Variants in CEP78 observed in about 807,000 individuals in gnomAD.
CEP78 encodes the protein centrosomal protein of 78 kDa.
CEP78 carries 76 observed loss-of-function variants against 81.2 expected under a neutral mutation model. That is an observed-to-expected ratio of 0.94 (90% CI 0.78 to 1.13). CEP78 has a LOEUF of 1.13. Among genes scored for constraint, CEP78 ranks in the 50% most tolerant of loss-of-function variants. CEP78 has a pLI of 0.00. For synonymous variants in CEP78, 293 were observed against 301.4 expected (o/e 0.97, Z 0.29); for missense variants, 918 against 846.8 (o/e 1.08, Z -1.04).
In CEP78 at chr9:78,263,117, A is replaced by G. The variant is rs563603084; in HGVS notation, c.1458+133A>G. On this transcript the variant is annotated intron_variant, in intron 12 of 16. Transcript: ENST00000643273. ...GTATTGCAAATGGTCACAGTATGTTAATGTTTGTATTTACTTATATTTGGT... is the reference window on the plus strand; with the variant it reads ...GTATTGCAAATGGTCACAGTATGTTGATGTTTGTATTTACTTATATTTGGT... 1.4e-5 allele frequency: 6 copies of G among 439,804 alleles called. No homozygotes were observed. The South Asian group carries it at 2.5e-4, about 18-fold the overall frequency. 27.2% of individuals were successfully genotyped at this position (439,804 alleles called of 1,614,324 possible).
At chr9:78,237,955 CAAAAA>C (rs557546978) in intron 1 of CEP78, among the ~76,000 whole-genome samples, 12,448 of 106,078 alleles carry the variant, frequency 0.12, 679 homozygotes, top group African/African-American at 0.17. Flanking sequence ...ACTAAAAATA[CAAAAA>C]AAAAAAAAAA....
At chr9:78,242,272 C>A (rs1231804110) in intron 4 of CEP78, among the ~76,000 whole-genome samples, 1 of 152,020 alleles carries the variant, frequency 6.6e-6, no homozygotes, top group Non-Finnish European at 1.5e-5. Flanking sequence ...TATTGCTACA[C>A]CCTACACTAG....
intron 16 of CEP78, 92 bp from the exon 17 acceptor site, chr9:78,270,749 A>G: frequency 1.6e-6 from 1 of 614,600 alleles, no homozygotes; most frequent in Non-Finnish European, 2.9e-6. Flanking sequence ...TCGGCATGAT[A>G]GGAGATGATT....
rs762941578 is a variant in CEP78 at position 78,266,775 on chromosome 9, G to A, written c.2107+72G>A. The A allele has an allele frequency of 3.2e-6, 5 of 1,558,394 alleles. No homozygotes were observed. In the Admixed American group the frequency reaches 1.0e-4, roughly 32 times the overall value. ...CCTGCATTCCTGATCTGACTGTCCT[G>A]AAAACCAGAAAAGCAAAGAAACTAG... On this transcript the variant is annotated intron_variant, in intron 16 of 16. Coordinates refer to ENST00000643273, the MANE Select transcript of CEP78 (RefSeq NM_001330691.3).
At chr9:78,242,516 A>G (rs1247943023) in intron 4 of CEP78, among the ~76,000 whole-genome samples, 1 of 152,238 alleles carries the variant, frequency 6.6e-6, no homozygotes, top group Non-Finnish European at 1.5e-5. Context: ...TAAAATGTGT[A>G]TAATAAGAAA....
intron 11 of CEP78, among the ~76,000 whole-genome samples, chr9:78,258,583 T>G (rs1016723866): frequency 6.6e-6 from 1 of 152,136 alleles, no homozygotes; most frequent in Non-Finnish European, 1.5e-5. Context: ...AGTAAATAAG[T>G]AAGAATGAAC....
intron 13 of CEP78, among the ~76,000 whole-genome samples, 191 bp from the exon 14 acceptor site, chr9:78,265,181 A>G (rs1827460225): frequency 6.6e-6 from 1 of 152,208 alleles, no homozygotes; most frequent in Admixed American, 6.5e-5. Flanking sequence ...GGATGATATG[A>G]TATGGTTTGT....
chr9:78,276,577 G>A lies in CEP78; in HGVS notation c.*5726G>A, dbSNP rs1827809014. 6.6e-6 allele frequency: 1 copy of A among 151,792 alleles called. No homozygotes were observed. The highest frequency in any genetic ancestry group is 2.1e-4 in the South Asian group (1 of 4,812). The allele number at this position is 151,792 out of a possible 1,614,324, so 9.4% of individuals were successfully genotyped here. A position where few individuals can be genotyped will look rare whatever the true frequency, so the allele number is the denominator to read the frequency against. On this transcript the variant is annotated 3_prime_UTR_variant, in exon 17 of 17. Coordinates refer to ENST00000643273, the MANE Select transcript of CEP78 (RefSeq NM_001330691.3). ...ATTACAGCTAATAAAGCTGAATAAG[G>A]AGGCTGTGCACAACACCAACACACC...
intron 7 of CEP78, 85 bp downstream of exon 7, chr9:78,248,440 C>G: frequency 1.1e-6 from 1 of 877,444 alleles, no homozygotes; most frequent in South Asian, 1.4e-5. Context: ...AGCCTGGCCT[C>G]AAACTTCTGA....
rs1376068836 is a variant in CEP78 at position 78,271,014 on chromosome 9, G to A, written c.*163G>A. The A allele has an allele frequency of 1.0e-5, 5 of 494,706 alleles. No homozygotes were observed. Among genetic ancestry groups the A allele is most frequent in the Non-Finnish European group, 1.8e-5 (5 of 284,288 alleles). The allele number at this position is 494,706 out of a possible 1,614,324, so 30.6% of individuals were successfully genotyped here. On this transcript the variant is annotated 3_prime_UTR_variant, in exon 17 of 17. Coordinates refer to ENST00000643273, the MANE Select transcript of CEP78 (RefSeq NM_001330691.3). The stretch of plus-strand genomic sequence containing the variant: ...ACTCATCTTTGGAGCATCTGATTCT[G>A]GAGTTTGCCACCAGGCTAAGAAAGC...
intron 11 of CEP78, 64 bp from the exon 12 acceptor site, chr9:78,262,843 T>C: frequency 9.9e-7 from 1 of 1,008,418 alleles, no homozygotes; most frequent in East Asian, 2.7e-5. Flanking sequence ...GCTCAACAGC[T>C]GGAAGAGTTT....
At chr9:78,266,050 A>T (rs1827513528) in intron 15 of CEP78, 144 bp downstream of exon 15, 2 of 600,840 alleles carry the variant, frequency 3.3e-6, no homozygotes, top group Non-Finnish European at 6.1e-6. Context: ...CTCTGGCCTT[A>T]CTTGGAGCCC....
chr9:78,250,414 A>C (rs146489746), intron 8 of CEP78: 3,992 of 389,920 alleles, frequency 0.01, 142 homozygotes, highest in African/African-American at 0.072. Context: ...TCATCTAACA[A>C]GATAAGTAAA....
At chr9:78,264,640 T>C (rs1827431434) in intron 13 of CEP78, among the ~76,000 whole-genome samples, 1 of 120,834 alleles carries the variant, frequency 8.3e-6, no homozygotes, top group Non-Finnish European at 1.7e-5. Context: ...CAAGAGCCCA[T>C]CTCTTAAAAA....
chr9:78,254,634 TATATG>T, intron 10 of CEP78, 197 bp from the exon 11 acceptor site: 1 of 265,030 alleles, frequency 3.8e-6, no homozygotes, highest in Non-Finnish European at 7.1e-6. Context: ...TTATAAACCT[TATATG>T]AGAGAATTAT....
In CEP78 at chr9:78,264,443, A is replaced by AT. The variant is rs1338639753; in HGVS notation, c.1625+133dup. The AT allele has an allele frequency of 4.7e-6, 3 of 631,826 alleles. No homozygotes were observed. In the South Asian group the frequency reaches 7.8e-5, roughly 17 times the overall value. 39.1% of individuals were successfully genotyped at this position (631,826 alleles called of 1,614,324 possible). ...TGTGTAATTATAAGTAATACACTTG[A>AT]TTTTTTAAATGTGGAATTAATTTTA... is the stretch of plus-strand genomic sequence containing the variant. On this transcript the variant is annotated intron_variant, in intron 13 of 16. Transcript: ENST00000643273.
At chr9:78,236,645 G>A in intron 1 of CEP78, 42 bp downstream of exon 1, 1 of 1,513,072 alleles carries the variant, frequency 6.6e-7, no homozygotes, top group Non-Finnish European at 8.8e-7. Flanking sequence ...TCGGTGCGGC[G>A]AAGTGGGTTT....
Position 78,254,969 on chromosome 9 carries a change from A to G in CEP78, c.1380+5A>G. 1.2e-6 allele frequency: 2 copies of G among 1,605,348 alleles called. No individual in the cohort carries two copies. Among genetic ancestry groups the G allele is most frequent in the Admixed American group, 1.7e-5 (1 of 59,376 alleles). On this transcript the variant is annotated splice_donor_5th_base_variant and intron_variant, in intron 11 of 16. Transcript: ENST00000643273. ...ATAGAACAAGAAGCATTACAGGTAC[A>G]AAGCTATCACTTTAAAGATATGGAG...
At chr9:78,248,041 A>C (rs928693931) in intron 6 of CEP78, among the ~76,000 whole-genome samples, 29 of 152,320 alleles carry the variant, frequency 1.9e-4, no homozygotes, top group South Asian at 2.1e-4. Flanking sequence ...CTTTAGTTCC[A>C]AAGTGTTTAC....
Sources: gnomAD v4.1 joint callset for allele counts (sites outside exome capture counted in the v4.1 genomes callset) on GRCh38, gnomAD v4.1.1 for gene constraint, MANE v1.5 for transcripts, NCBI Gene and HGNC (gene_info 2026-07-23, HGNC 2026-07-21) for gene names.